GLCCI1: variants seen among roughly 807,000 people sequenced by gnomAD.
GLCCI1 encodes the protein glucocorticoid-induced transcript 1 protein.
GLCCI1 carries 24 observed loss-of-function variants against 52.2 expected under a neutral mutation model. The ratio of observed to expected loss-of-function variants is 0.46; its 90% CI spans 0.33 to 0.65. The LOEUF is 0.65. Ranked by LOEUF, GLCCI1 falls within the 30% of genes least tolerant of loss-of-function variation. The pLI, the probability that GLCCI1 is intolerant of heterozygous loss-of-function variation, is 0.02. For synonymous variants in GLCCI1, 310 were observed against 276.5 expected (o/e 1.12, Z -1.20); for missense variants, 704 against 701.5 (o/e 1.00, Z -0.04).
Position 8,071,015 on chromosome 7 carries a change from A to G in GLCCI1, c.1061A>G (p.Gln354Arg), listed in dbSNP as rs757780786. 7.4e-6 allele frequency: 12 copies of G among 1,614,064 alleles called. No homozygotes were observed. Among genetic ancestry groups the G allele is most frequent in the Non-Finnish European group, 1.0e-5 (12 of 1,180,038 alleles). ...ATTGACACTCAGACTCCTTCTGTCC[A>G]GGAGCGCAGCAGTAGCTGCAGCAGT... ...RSIDTQTPSV[Q>R]ERSSSCSSHS... The change falls in exon 6 of 8, where the codon CAG becomes CGG. Residue 354 changes from glutamine to arginine, a missense_variant. By Grantham distance (43) the Gln-to-Arg change is conservative. This residue lies in a region of GLCCI1 where 547 missense variants were observed against 524.8 expected (regional missense o/e 1.04). Coordinates refer to ENST00000223145, the MANE Select transcript of GLCCI1 (RefSeq NM_138426.4).
intron 6 of GLCCI1, among the ~76,000 whole-genome samples, chr7:8,073,739 G>C (rs6975913): frequency 0.74 from 113,170 of 152,074 alleles, 42,571 homozygotes; most frequent in African/African-American, 0.85. Flanking sequence ...CTCTTTAGAA[G>C]TTATATAGAA....
chr7:8,066,269 G>T (rs1782629407), intron 5 of GLCCI1, among the ~76,000 whole-genome samples: 1 of 151,454 alleles, frequency 6.6e-6, no homozygotes, highest in Non-Finnish European at 1.5e-5. Context: ...TTCTGATTTT[G>T]TTTATTTGGA....
intron 6 of GLCCI1, among the ~76,000 whole-genome samples, chr7:8,076,185 A>G (rs1285743388): frequency 6.6e-6 from 1 of 152,122 alleles, no homozygotes; most frequent in Non-Finnish European, 1.5e-5. Flanking sequence ...AAATCAGCCA[A>G]GATTTTATGG....
intron 2 of GLCCI1, among the ~76,000 whole-genome samples, chr7:8,018,471 T>C (rs1781420532): frequency 6.6e-6 from 1 of 152,168 alleles, no homozygotes; most frequent in Admixed American, 6.5e-5. Flanking sequence ...CCAAAAATAA[T>C]TTTTCTAATG....
chr7:8,021,617 G>A (rs1781494801), intron 2 of GLCCI1, among the ~76,000 whole-genome samples: 1 of 152,080 alleles, frequency 6.6e-6, no homozygotes, highest in African/African-American at 2.4e-5. Context: ...TGGTCAGGCT[G>A]GTCTCGGACT....
At chr7:8,004,602 T>G (rs1447817081) in intron 2 of GLCCI1, among the ~76,000 whole-genome samples, 1 of 152,228 alleles carries the variant, frequency 6.6e-6, no homozygotes, top group Non-Finnish European at 1.5e-5. Flanking sequence ...AAAACATCTT[T>G]ATTCATGATT....
rs977452058 is a variant in GLCCI1 at position 8,010,232 on chromosome 7, G to A, written c.609+6173G>A. Among the ~76,000 whole-genome samples, 3 of 152,178 alleles carry A rather than the reference G, an allele frequency of 2.0e-5. No homozygotes were observed. The East Asian group carries it at 5.8e-4, about 29-fold the overall frequency. ...CTACAGAGCTAATTTTCATTAACAA[G>A]CTTTCTGCAAGTGAATGTATTCAGT... On this transcript the variant is annotated intron_variant, in intron 2 of 7. Coordinates refer to ENST00000223145, the MANE Select transcript of GLCCI1 (RefSeq NM_138426.4).
chr7:8,088,737 CTTTTA>C lies in GLCCI1; in HGVS notation c.*2204_*2208del, dbSNP rs1783172731. The C allele has an allele frequency of 6.6e-6, 1 of 152,562 alleles. No individual in the cohort carries two copies. The highest frequency in any genetic ancestry group is 1.5e-5 in the Non-Finnish European group (1 of 68,014). 9.5% of individuals were successfully genotyped at this position (152,562 alleles called of 1,614,324 possible). A position where few individuals can be genotyped will look rare whatever the true frequency, so the allele number is the denominator to read the frequency against. On this transcript the variant is annotated 3_prime_UTR_variant, in exon 8 of 8. Coordinates refer to ENST00000223145, the MANE Select transcript of GLCCI1 (RefSeq NM_138426.4). ...CATGTACGATATTTATAGTGATGTG[CTTTTA>C]TTTTCTCATGAGATACTAAATATTA...
At chr7:8,044,701 C>A (rs1364982570) in intron 3 of GLCCI1, among the ~76,000 whole-genome samples, 1 of 152,202 alleles carries the variant, frequency 6.6e-6, no homozygotes, top group Non-Finnish European at 1.5e-5. Context: ...CATGTATACT[C>A]TCTCTATCAG....
chr7:8,004,048 A>G lies in GLCCI1; in HGVS notation c.598A>G (p.Lys200Glu). 1 of 1,612,660 alleles carries G rather than the reference A, an allele frequency of 6.2e-7. No individual in the cohort carries two copies. The highest frequency in any genetic ancestry group is 8.5e-7 in the Non-Finnish European group (1 of 1,179,224). ...HVHYPSCMKD[K>E]ATQTPSCWAE... ...TCACTACCCTTCATGCATGAAAGAC[A>G]AAGCTACTCAGGTAAAATCAGGAAA... Residue 200 changes from lysine to glutamate, a missense_variant, in exon 2 of 8, where the codon AAA becomes GAA. Lys to Glu is a moderately conservative substitution (Grantham distance 56). Coordinates refer to ENST00000223145, the MANE Select transcript of GLCCI1 (RefSeq NM_138426.4).
chr7:8,085,820 G>A (rs1195949303), intron 7 of GLCCI1, among the ~76,000 whole-genome samples: 4 of 152,194 alleles, frequency 2.6e-5, no homozygotes, highest in Non-Finnish European at 5.9e-5. Flanking sequence ...AATACGTGAT[G>A]GACGAATGCC....
intron 1 of GLCCI1, among the ~76,000 whole-genome samples, chr7:7,989,036 C>G (rs1483092540): frequency 6.6e-6 from 1 of 152,064 alleles, no homozygotes; most frequent in Non-Finnish European, 1.5e-5. Flanking sequence ...GACCAAGGTC[C>G]TAATGGAATG....
intron 3 of GLCCI1, among the ~76,000 whole-genome samples, chr7:8,030,343 G>A (rs1347757654): frequency 6.6e-6 from 1 of 152,068 alleles, no homozygotes; most frequent in East Asian, 1.9e-4. Flanking sequence ...CCTATGCAGA[G>A]AAAGAAACCT....
At chr7:8,041,532 A>G (rs1781998712) in intron 3 of GLCCI1, among the ~76,000 whole-genome samples, 1 of 152,194 alleles carries the variant, frequency 6.6e-6, no homozygotes, top group Admixed American at 6.5e-5. Flanking sequence ...ATAGCTGGAG[A>G]GAAGTTGATG....
chr7:7,979,920 T>C (rs12113109), intron 1 of GLCCI1, among the ~76,000 whole-genome samples: 21,998 of 152,104 alleles, frequency 0.14, 2,508 homozygotes, highest in African/African-American at 0.31. Context: ...TTCTTTTATT[T>C]TTTCTTTATC....
rs201197035 is a variant in GLCCI1 at position 8,057,291 on chromosome 7, G to A, written c.813+1742G>A. Among the ~76,000 whole-genome samples, 22 of 151,588 alleles carry A rather than the reference G, an allele frequency of 1.5e-4. No individual in the cohort carries two copies. In the East Asian group the frequency reaches 4.3e-3, roughly 29 times the overall value. ...TATTCATAATACTAAAAAAAAAAAG[G>A]AAATAGACAAACATCCGTCAAGTTG... is the stretch of plus-strand genomic sequence containing the variant. On this transcript the variant is annotated intron_variant, in intron 4 of 7. Transcript: ENST00000223145.
Position 8,026,632 on chromosome 7 carries a change from G to A in GLCCI1, c.696+4063G>A, listed in dbSNP as rs139189231. Reference sequence around the variant, plus strand: ...GCACTTTGGGGAAGAAGAGCACAGCGACTGGGGAACTTTACACTGAACTCA... The same window carrying A: ...GCACTTTGGGGAAGAAGAGCACAGCAACTGGGGAACTTTACACTGAACTCA... On this transcript the variant is annotated intron_variant, in intron 3 of 7. Transcript: ENST00000223145. Among the ~76,000 whole-genome samples, 122 of 152,348 alleles carry A rather than the reference G, an allele frequency of 8.0e-4. 2 individuals carry two copies. In the South Asian group the frequency reaches 0.013, roughly 17 times the overall value.
chr7:8,070,762 C>T (rs181173345), intron 5 of GLCCI1, 159 bp from the exon 6 acceptor site: 215 of 616,984 alleles, frequency 3.5e-4, no homozygotes, highest in Admixed American at 2.4e-3. Flanking sequence ...AGGTAACATA[C>T]GCAGAAATTA....
chr7:8,078,096 T>C (rs919716189), intron 6 of GLCCI1, among the ~76,000 whole-genome samples: 2 of 149,216 alleles, frequency 1.3e-5, no homozygotes, highest in Non-Finnish European at 3.0e-5. Context: ...GAGCCGGGCG[T>C]GGTGGCGGGC....
Sources: allele counts gnomAD v4.1 joint callset (sites outside exome capture counted in the v4.1 genomes callset), GRCh38; gene constraint gnomAD v4.1.1; regional missense constraint gnomAD v4.1.1; transcripts MANE v1.5; gene names NCBI Gene and HGNC (gene_info 2026-07-23, HGNC 2026-07-21).